ROBO2: variants seen among roughly 807,000 people sequenced by gnomAD.
ROBO2 encodes roundabout guidance receptor 2.
Under a neutral mutation model 160.8 loss-of-function variants are expected in ROBO2, and 53 were observed. The observed-to-expected ratio is 0.33, with a 90% CI of 0.26 to 0.41. ROBO2 has a LOEUF of 0.41. Ranked by LOEUF, ROBO2 falls within the 10% of genes least tolerant of loss-of-function variation. The pLI is 1.00. For missense variants in ROBO2, 1,577 were observed against 1,722.4 expected (o/e 0.92, Z 1.49); for synonymous variants, 664 against 611.7 (o/e 1.09, Z -1.26).
chr3:77,077,958 C>T (rs952162355), intron 1 of ROBO2, among the ~76,000 whole-genome samples: 2 of 152,108 alleles, frequency 1.3e-5, no homozygotes, highest in East Asian at 3.9e-4. Context: ...CTCCTTGGCA[C>T]TCAAGTCTGC....
intron 5 of ROBO2, among the ~76,000 whole-genome samples, chr3:77,506,012 TTAAAC>T (rs2088467369): frequency 6.6e-6 from 1 of 152,150 alleles, no homozygotes; most frequent in African/African-American, 2.4e-5. Context: ...AGTCCCTTCT[TTAAAC>T]AGAGGAGAAA....
At chr3:75,930,999 C>T (rs184144471) in intron 1 of ROBO2, among the ~76,000 whole-genome samples, 93 of 152,312 alleles carry the variant, frequency 6.1e-4, no homozygotes, top group Admixed American at 3.9e-3. Context: ...CCAACTCTCC[C>T]GCTTTTCTGG....
intron 2 of ROBO2, among the ~76,000 whole-genome samples, chr3:76,355,126 C>T (rs1233329431): frequency 2.0e-5 from 3 of 151,160 alleles, no homozygotes; most frequent in Admixed American, 6.6e-5. Context: ...AGGTAAGAAG[C>T]GACTTAGTTT....
intron 2 of ROBO2, among the ~76,000 whole-genome samples, chr3:75,979,644 A>T (rs1224069431): frequency 6.6e-6 from 1 of 151,580 alleles, no homozygotes; most frequent in Non-Finnish European, 1.5e-5. Context: ...GTCCAAAATA[A>T]GTTGGGTGCT....
At chr3:76,331,933 C>T (rs1448009462) in intron 2 of ROBO2, among the ~76,000 whole-genome samples, 1 of 152,060 alleles carries the variant, frequency 6.6e-6, no homozygotes, top group African/African-American at 2.4e-5. Flanking sequence ...ATCCGCCCAG[C>T]TCGACCTCCC....
At chr3:76,355,554 T>G (rs904349103) in intron 2 of ROBO2, among the ~76,000 whole-genome samples, 1 of 151,766 alleles carries the variant, frequency 6.6e-6, no homozygotes, top group Non-Finnish European at 1.5e-5. Flanking sequence ...CTGCAAATAT[T>G]CTAACCTATA....
At chr3:77,131,121 G>C (rs554686362) in intron 2 of ROBO2, among the ~76,000 whole-genome samples, 28 of 152,168 alleles carry the variant, frequency 1.8e-4, no homozygotes, top group African/African-American at 6.7e-4. Flanking sequence ...TTCTCTATGT[G>C]GGTATCATTT....
chr3:76,073,213 C>A (rs1968951), intron 2 of ROBO2, among the ~76,000 whole-genome samples: 92,374 of 141,716 alleles, frequency 0.65, 29,445 homozygotes, highest in Middle Eastern at 0.77. Flanking sequence ...CATTTAATTT[C>A]TTTAAACACT....
chr3:76,985,228 T>C (rs1463790984), intron 2 of ROBO2, among the ~76,000 whole-genome samples: 2 of 152,012 alleles, frequency 1.3e-5, no homozygotes, highest in Non-Finnish European at 2.9e-5. Context: ...AAAATATATG[T>C]TATACTGAAT....
At chr3:76,242,697 G>T (rs1705366714) in intron 2 of ROBO2, among the ~76,000 whole-genome samples, 2 of 152,072 alleles carry the variant, frequency 1.3e-5, no homozygotes, top group South Asian at 4.1e-4. Context: ...ATCAACCAGG[G>T]CAACATAGTG....
At chr3:77,230,744 G>A (rs1426570268) in intron 2 of ROBO2, among the ~76,000 whole-genome samples, 1 of 152,124 alleles carries the variant, frequency 6.6e-6, no homozygotes, top group Non-Finnish European at 1.5e-5. Flanking sequence ...AGAAAAGACA[G>A]GTTAGTTATT....
intron 5 of ROBO2, among the ~76,000 whole-genome samples, chr3:77,497,223 G>A (rs535073246): frequency 6.6e-6 from 1 of 152,172 alleles, no homozygotes; most frequent in South Asian, 2.1e-4. Context: ...CTGATTCTGT[G>A]CCAAGTACCA....
chr3:77,041,916 C>T (rs1559887126), intron 1 of ROBO2, among the ~76,000 whole-genome samples: 2 of 152,272 alleles, frequency 1.3e-5, no homozygotes, highest in East Asian at 3.9e-4. Context: ...AGCTTGTTGC[C>T]ACATAAACTT....
chr3:76,388,033 A>G (rs1444645252), intron 2 of ROBO2, among the ~76,000 whole-genome samples: 3 of 152,192 alleles, frequency 2.0e-5, no homozygotes, highest in African/African-American at 7.2e-5. Flanking sequence ...AAGTCAGTTA[A>G]GAGTTTCTTC....
At chr3:77,584,358 G>A (rs988981127) in intron 16 of ROBO2, among the ~76,000 whole-genome samples, 3 of 152,044 alleles carry the variant, frequency 2.0e-5, no homozygotes, top group Non-Finnish European at 4.4e-5. Flanking sequence ...ATCCCCTTCA[G>A]TTTTCCCTGC....
At chr3:76,203,095 C>A (rs753852899) in intron 2 of ROBO2, among the ~76,000 whole-genome samples, 2 of 152,090 alleles carry the variant, frequency 1.3e-5, no homozygotes, top group African/African-American at 4.8e-5. Context: ...AAAATTCAGC[C>A]GCAGGCAAAA....
chr3:77,056,883 C>G (rs539048394), intron 1 of ROBO2, among the ~76,000 whole-genome samples: 1 of 152,028 alleles, frequency 6.6e-6, no homozygotes, highest in South Asian at 2.1e-4. Context: ...TGTCTATGCA[C>G]ACGTACATAC....
At chr3:76,949,378 A>T (rs1486685156) in intron 2 of ROBO2, among the ~76,000 whole-genome samples, 1 of 152,122 alleles carries the variant, frequency 6.6e-6, no homozygotes, top group Non-Finnish European at 1.5e-5. Context: ...CTTTAGATTT[A>T]TTTATCTTCT....
At chr3:77,607,930 A>G (rs200173326) in exon 21 of ROBO2, 4 of 1,613,072 alleles carry the variant, frequency 2.5e-6, no homozygotes, top group Non-Finnish European at 2.5e-6. Context: ...CTGGAACACT[A>G]TGCAGTGGAA....
Sources: allele counts gnomAD v4.1 joint callset (sites outside exome capture counted in the v4.1 genomes callset), GRCh38; gene constraint gnomAD v4.1.1; transcripts MANE v1.5; gene names NCBI Gene and HGNC (gene_info 2026-07-23, HGNC 2026-07-21).